Variants in AGMO observed in about 807,000 individuals in gnomAD.
AGMO encodes alkylglycerol monooxygenase, also known as glyceryl-ether monooxygenase.
AGMO carries 75 observed loss-of-function variants against 60.2 expected under a neutral mutation model. The observed-to-expected ratio is 1.25, with a 90% CI of 1.03 to 1.51. AGMO has a LOEUF of 1.51. Among genes scored for constraint, AGMO ranks in the 40% most tolerant of loss-of-function variants. AGMO has a pLI of 0.00. For synonymous variants in AGMO, 261 were observed against 177.1 expected, an observed-to-expected ratio of 1.47 and a Z score of -3.76; for missense variants, 763 against 525.5, an observed-to-expected ratio of 1.45 and a Z score of -4.42.
chr7:15,388,693 G>T (rs1233795668), intron 8 of AGMO, among the ~76,000 whole-genome samples: 1 of 152,200 alleles, frequency 6.6e-6, no homozygotes, highest in Non-Finnish European at 1.5e-5. Flanking sequence ...ACAAAACCCT[G>T]TGTCTGTTGG....
chr7:15,317,967 T>TATATATAC (rs1554412239), intron 12 of AGMO, among the ~76,000 whole-genome samples: 1 of 144,752 alleles, frequency 6.9e-6, no homozygotes, highest in Non-Finnish European at 1.5e-5. Context: ...TATATATATA[T>TATATATAC]ACACACACAC....
chr7:15,491,075 A>G (rs1783053957), intron 3 of AGMO, among the ~76,000 whole-genome samples: 2 of 152,228 alleles, frequency 1.3e-5, no homozygotes, highest in African/African-American at 4.8e-5. Context: ...CCATTGTTAA[A>G]TTAAATGGAA....
chr7:15,441,179 G>A (rs928974583), intron 3 of AGMO, among the ~76,000 whole-genome samples: 4 of 152,178 alleles, frequency 2.6e-5, no homozygotes, highest in African/African-American at 9.7e-5. Context: ...AATATTTTTG[G>A]ATAAGGGAGT....
intron 5 of AGMO, among the ~76,000 whole-genome samples, chr7:15,397,056 T>G (rs1470061756): frequency 6.6e-6 from 1 of 152,010 alleles, no homozygotes; most frequent in East Asian, 2.0e-4. Context: ...TCACCACCGG[T>G]CCCAGAAGCC....
intron 12 of AGMO, among the ~76,000 whole-genome samples, chr7:15,300,137 A>G (rs1306023818): frequency 6.6e-6 from 1 of 152,140 alleles, no homozygotes; most frequent in African/African-American, 2.4e-5. Flanking sequence ...ATAGCATTTG[A>G]GTTGATACTT....
At chr7:15,318,595 AG>A (rs1319175239) in intron 12 of AGMO, among the ~76,000 whole-genome samples, 7 of 152,326 alleles carry the variant, frequency 4.6e-5, no homozygotes, top group African/African-American at 1.7e-4. Flanking sequence ...TATGAAATTA[AG>A]GAAAATATGC....
chr7:15,425,150 T>A (rs1240589322), intron 4 of AGMO, among the ~76,000 whole-genome samples: 3 of 152,142 alleles, frequency 2.0e-5, no homozygotes, highest in African/African-American at 7.2e-5. Context: ...TATTAAGAGG[T>A]CTATTTCATA....
intron 12 of AGMO, among the ~76,000 whole-genome samples, chr7:15,359,616 C>T (rs919287604): frequency 6.6e-6 from 1 of 152,050 alleles, no homozygotes; most frequent in Non-Finnish European, 1.5e-5. Flanking sequence ...CAGTTAGAAG[C>T]AAAGTTATCT....
intron 3 of AGMO, among the ~76,000 whole-genome samples, chr7:15,444,321 T>C (rs1479462308): frequency 6.6e-6 from 1 of 152,160 alleles, no homozygotes; most frequent in Admixed American, 6.5e-5. Flanking sequence ...ATTTCAGTTA[T>C]ATCCAAACAT....
chr7:15,158,731 G>T, the AGMO span, among the ~76,000 whole-genome samples: 1 of 152,130 alleles, frequency 6.6e-6, no homozygotes, highest in Non-Finnish European at 1.5e-5. Context: ...AGAATTGATT[G>T]CCTCTTATTT....
chr7:15,531,209 ATATATTC>A (rs1784328908), intron 3 of AGMO, among the ~76,000 whole-genome samples: 1 of 91,726 alleles, frequency 1.1e-5, no homozygotes, highest in Non-Finnish European at 1.9e-5. Flanking sequence ...TATATATTCT[ATATATTC>A]TATATATATT....
chr7:15,441,858 G>C (rs1046005294), intron 3 of AGMO, among the ~76,000 whole-genome samples: 3 of 152,192 alleles, frequency 2.0e-5, no homozygotes, highest in Non-Finnish European at 2.9e-5. Context: ...TAGGTAGAAA[G>C]TAACTGCAAT....
chr7:15,188,009 TCA>T, the AGMO span, among the ~76,000 whole-genome samples: 1 of 152,142 alleles, frequency 6.6e-6, no homozygotes, highest in Non-Finnish European at 1.5e-5. Context: ...ATGTCTGTTC[TCA>T]CACTCACTAT....
At chr7:15,206,515 G>A (rs553353602) in intron 12 of AGMO, among the ~76,000 whole-genome samples, 4 of 152,008 alleles carry the variant, frequency 2.6e-5, no homozygotes, top group East Asian at 1.9e-4. Flanking sequence ...GCCTTTTAAG[G>A]TTTTTTCCTA....
chr7:15,264,224 A>C (rs1421952461), intron 12 of AGMO, among the ~76,000 whole-genome samples: 1 of 152,000 alleles, frequency 6.6e-6, no homozygotes, highest in Non-Finnish European at 1.5e-5. Context: ...TTCATTTTCA[A>C]ATAATTTTAG....
chr7:15,192,115 C>T, the AGMO span, among the ~76,000 whole-genome samples: 1 of 151,918 alleles, frequency 6.6e-6, no homozygotes, highest in African/African-American at 2.4e-5. Context: ...AATAACAAAA[C>T]CATGTTAATA....
the AGMO span, among the ~76,000 whole-genome samples, chr7:15,191,205 G>A: frequency 1.3e-5 from 2 of 152,084 alleles, no homozygotes; most frequent in East Asian, 3.8e-4. Context: ...GAGTGGGAAA[G>A]AAAATTTTAG....
chr7:15,346,038 G>T (rs988154428), intron 12 of AGMO, among the ~76,000 whole-genome samples: 10 of 152,062 alleles, frequency 6.6e-5, no homozygotes, highest in African/African-American at 2.2e-4. Context: ...AAAGCAAAGA[G>T]ATAGTCATTG....
intron 3 of AGMO, among the ~76,000 whole-genome samples, chr7:15,510,931 T>A (rs1022916454): frequency 2.0e-5 from 3 of 148,954 alleles, no homozygotes; most frequent in Non-Finnish European, 4.4e-5. Context: ...AATATAATGT[T>A]TATATTATAT....
Sources: allele counts gnomAD v4.1 joint callset (sites outside exome capture counted in the v4.1 genomes callset), GRCh38; gene constraint gnomAD v4.1.1; transcripts MANE v1.5; gene names NCBI Gene and HGNC (gene_info 2026-07-23, HGNC 2026-07-21).